CDYL: variants seen among roughly 807,000 people sequenced by gnomAD.
CDYL encodes chromodomain Y like.
In CDYL, 8 loss-of-function variants were observed where a neutral mutation model predicts 47.3. The ratio of observed to expected loss-of-function variants is 0.17; its 90% CI spans 0.10 to 0.31. The LOEUF is 0.31. Ranked by LOEUF, CDYL falls within the 10% of genes least tolerant of loss-of-function variation. CDYL has a pLI of 1.00. For missense variants in CDYL, 471 were observed against 701.4 expected (o/e 0.67, Z 3.71); for synonymous variants, 266 against 265.0 (o/e 1.00, Z -0.04).
intron 3 of CDYL, among the ~76,000 whole-genome samples, chr6:4,764,453 C>A (rs61392817): frequency 0.063 from 9,540 of 152,032 alleles, 786 homozygotes; most frequent in African/African-American, 0.19. Flanking sequence ...CCACGCCTGG[C>A]TAATTTTTGC....
chr6:4,785,912 G>A (rs1297146089), intron 1 of CDYL, among the ~76,000 whole-genome samples: 2 of 152,230 alleles, frequency 1.3e-5, no homozygotes, highest in Non-Finnish European at 1.5e-5. Flanking sequence ...CAAGTCTTGA[G>A]GTGACAGGCT....
chr6:4,946,612 T>C (rs1396472039), intron 5 of CDYL, among the ~76,000 whole-genome samples: 1 of 152,188 alleles, frequency 6.6e-6, no homozygotes, highest in Non-Finnish European at 1.5e-5. Flanking sequence ...TGCCGGCCCA[T>C]GCCCTCTGGA....
intron 3 of CDYL, among the ~76,000 whole-genome samples, chr6:4,768,949 C>T (rs1758296232): frequency 6.6e-6 from 1 of 152,126 alleles, no homozygotes; most frequent in African/African-American, 2.4e-5. Context: ...TATCATGAGA[C>T]AAATATCAGA....
At chr6:4,824,957 A>G (rs140451775) in intron 1 of CDYL, among the ~76,000 whole-genome samples, 4,025 of 151,724 alleles carry the variant, frequency 0.027, 181 homozygotes, top group African/African-American at 0.092. Context: ...TGCAACCTCC[A>G]TCTCCTGAGT....
intron 3 of CDYL, among the ~76,000 whole-genome samples, chr6:4,755,778 TAA>T (rs1758065083): frequency 6.6e-6 from 1 of 152,154 alleles, no homozygotes; most frequent in Non-Finnish European, 1.5e-5. Flanking sequence ...AAATTGGAAA[TAA>T]GAGAGGTAAA....
intron 3 of CDYL, among the ~76,000 whole-genome samples, chr6:4,756,279 G>T (rs1473995284): frequency 6.6e-6 from 1 of 152,004 alleles, no homozygotes; most frequent in Non-Finnish European, 1.5e-5. Context: ...TCCACATTTC[G>T]ACTCCAACCT....
Position 4,933,946 on chromosome 6 carries a change from A to G in CDYL, c.692-1569A>G, listed in dbSNP as rs1031091294. 4.6e-5 allele frequency among the ~76,000 whole-genome samples: 7 copies of G among 152,270 alleles called. No individual in the cohort carries two copies. In the East Asian group the frequency reaches 5.8e-4, roughly 13 times the overall value. On this transcript the variant is annotated intron_variant, in intron 2 of 6. Transcript: ENST00000397588. ...TGGGCCTCGCCTGCCACGCAGCCTT[A>G]GGAAAGAACAGGAAGCTATGTTCTG... is the stretch of plus-strand genomic sequence containing the variant.
rs964669350 is a variant in CDYL, at chr6:4,863,741, G to A, written c.25-27972G>A. Among the ~76,000 whole-genome samples, 9 of 152,186 alleles carry A rather than the reference G, an allele frequency of 5.9e-5. No homozygotes were observed. In the East Asian group the frequency reaches 1.7e-3, roughly 29 times the overall value. ...AAGGCATATTTCTTGCAGAAGCTGAGACATATTTAATGCAGAAGCTGATTT... is the reference window on the plus strand; with the variant it reads ...AAGGCATATTTCTTGCAGAAGCTGAAACATATTTAATGCAGAAGCTGATTT... On this transcript the variant is annotated intron_variant, in intron 1 of 6. Coordinates refer to ENST00000397588, the MANE Select transcript of CDYL (RefSeq NM_004824.4).
intron 1 of CDYL, among the ~76,000 whole-genome samples, chr6:4,864,211 C>T (rs571027262): frequency 6.6e-6 from 1 of 152,122 alleles, no homozygotes; most frequent in East Asian, 1.9e-4. Flanking sequence ...AAATTTTTAC[C>T]ACTGGTGGAC....
upstream of CDYL, chr6:4,774,796 G>A (rs562752035): frequency 2.6e-5 from 4 of 152,432 alleles, no homozygotes; most frequent in African/African-American, 9.6e-5. Context: ...GAGCACGCGT[G>A]AGTGCTTAGG....
intron 6 of CDYL, among the ~76,000 whole-genome samples, chr6:4,953,481 C>G (rs908820454): frequency 6.6e-6 from 1 of 152,116 alleles, no homozygotes; most frequent in African/African-American, 2.4e-5. Context: ...TTAACTGACA[C>G]GACTCCCATC....
chr6:4,807,646 C>T (rs1215756470), intron 1 of CDYL, among the ~76,000 whole-genome samples: 1 of 119,304 alleles, frequency 8.4e-6, no homozygotes, highest in Non-Finnish European at 1.6e-5. Context: ...CACTGTCATC[C>T]AGGCTGGAGT....
At chr6:4,943,401 A>G (rs1474403856) in intron 4 of CDYL, 145 bp from the exon 5 acceptor site, 2 of 631,190 alleles carry the variant, frequency 3.2e-6, no homozygotes, top group African/African-American at 3.7e-5. Context: ...AGGGTCCACA[A>G]CTGCTGGGGA....
At chr6:4,814,148 A>G (rs1481132703) in intron 1 of CDYL, among the ~76,000 whole-genome samples, 1 of 152,164 alleles carries the variant, frequency 6.6e-6, no homozygotes, top group African/African-American at 2.4e-5. Flanking sequence ...CATTATTTTC[A>G]TTTCCACATT....
intron 1 of CDYL, among the ~76,000 whole-genome samples, chr6:4,828,345 A>G (rs888373518): frequency 5.4e-5 from 8 of 149,470 alleles, no homozygotes; most frequent in African/African-American, 1.7e-4. Flanking sequence ...GTAAGCCTCA[A>G]ACTCCTGGGC....
intron 1 of CDYL, among the ~76,000 whole-genome samples, chr6:4,874,208 G>T (rs1447887478): frequency 6.6e-6 from 1 of 151,594 alleles, no homozygotes; most frequent in Non-Finnish European, 1.5e-5. Context: ...TTCATGAATT[G>T]CTTACTCAGA....
rs184852125 is a variant in CDYL at position 4,792,086 on chromosome 6, G to A, written c.24+15279G>A. 4.1e-3 allele frequency among the ~76,000 whole-genome samples: 614 copies of A among 150,938 alleles called. 2 individuals are homozygous for A. Among genetic ancestry groups the A allele is most frequent in the African/African-American group, 0.014 (576 of 41,060 alleles). Reference sequence around the variant, plus strand: ...TTTTTGTATTTTTAGTACAGACGGGGTTTCACCATGTTAGCCAGGATGGTC... The same window carrying A: ...TTTTTGTATTTTTAGTACAGACGGGATTTCACCATGTTAGCCAGGATGGTC... On this transcript the variant is annotated intron_variant, in intron 1 of 6. Transcript: ENST00000397588.
chr6:4,804,470 T>TA (rs1328996844), intron 1 of CDYL, among the ~76,000 whole-genome samples: 3 of 152,214 alleles, frequency 2.0e-5, no homozygotes, highest in Non-Finnish European at 4.4e-5. Context: ...ACCTTTGTCT[T>TA]ACGACCGCAT....
intron 1 of CDYL, among the ~76,000 whole-genome samples, chr6:4,879,376 T>C (rs1346781826): frequency 6.6e-6 from 1 of 152,192 alleles, no homozygotes; most frequent in Non-Finnish European, 1.5e-5. Context: ...TTTAGGGTTG[T>C]TATAGCATCT....
Sources: gnomAD v4.1 joint callset for allele counts (sites outside exome capture counted in the v4.1 genomes callset) on GRCh38, gnomAD v4.1.1 for gene constraint, MANE v1.5 for transcripts, NCBI Gene and HGNC (gene_info 2026-07-23, HGNC 2026-07-21) for gene names.